Variants in PPARGC1A observed in about 807,000 individuals in gnomAD.
The protein encoded by PPARGC1A is PPARG coactivator 1 alpha.
Under a neutral mutation model 88.7 loss-of-function variants are expected in PPARGC1A, and 25 were observed. The observed-to-expected ratio is 0.28, with a 90% CI of 0.21 to 0.39. The LOEUF (loss-of-function observed/expected upper bound fraction) is 0.39. Ranked by LOEUF, PPARGC1A falls within the 10% of genes least tolerant of loss-of-function variation. PPARGC1A has a pLI of 1.00. For synonymous variants in PPARGC1A, 363 were observed against 355.6 expected (o/e 1.02, Z -0.24); for missense variants, 880 against 968.7 (o/e 0.91, Z 1.22).
chr4:23,935,628 T>A, the PPARGC1A span, among the ~76,000 whole-genome samples: 1 of 152,198 alleles, frequency 6.6e-6, no homozygotes, highest in Non-Finnish European at 1.5e-5. Flanking sequence ...GGCATAAAAA[T>A]TATTTACCAG....
At chr4:23,822,298 C>T (rs1723145041) in intron 7 of PPARGC1A, among the ~76,000 whole-genome samples, 1 of 152,074 alleles carries the variant, frequency 6.6e-6, no homozygotes, top group South Asian at 2.1e-4. Context: ...CATTCCACCC[C>T]TACGCTTCAA....
chr4:23,961,146 T>TA, the PPARGC1A span, among the ~76,000 whole-genome samples: 1 of 152,144 alleles, frequency 6.6e-6, no homozygotes, highest in African/African-American at 2.4e-5. Flanking sequence ...AACACCGTCT[T>TA]ACTATTTTCA....
chr4:24,365,837 CA>C, the PPARGC1A span, among the ~76,000 whole-genome samples: 1 of 152,260 alleles, frequency 6.6e-6, no homozygotes, highest in South Asian at 2.1e-4. Context: ...GCCTCCTATG[CA>C]CATTCACGAC....
chr4:24,353,210 A>G, the PPARGC1A span, among the ~76,000 whole-genome samples: 1 of 149,506 alleles, frequency 6.7e-6, no homozygotes, highest in East Asian at 1.9e-4. Context: ...TTTTTTTCAA[A>G]TCCTCTTTCG....
chr4:24,366,122 T>A, the PPARGC1A span, among the ~76,000 whole-genome samples: 1 of 152,026 alleles, frequency 6.6e-6, no homozygotes, highest in Non-Finnish European at 1.5e-5. Flanking sequence ...CAGCCAAGAG[T>A]TGAAATGCAC....
At chr4:23,842,659 A>T (rs1249263353) in intron 2 of PPARGC1A, among the ~76,000 whole-genome samples, 2 of 152,112 alleles carry the variant, frequency 1.3e-5, no homozygotes, top group East Asian at 3.9e-4. Context: ...CCAGTAGCAC[A>T]CCTCCAGTTA....
the PPARGC1A span, among the ~76,000 whole-genome samples, chr4:24,402,020 C>T: frequency 1.3e-5 from 2 of 152,296 alleles, no homozygotes; most frequent in East Asian, 3.9e-4. Flanking sequence ...GCACCCACTC[C>T]GCGGCTGCTC....
the PPARGC1A span, among the ~76,000 whole-genome samples, chr4:24,442,587 G>C: frequency 1.3e-5 from 2 of 152,178 alleles, no homozygotes; most frequent in Non-Finnish European, 2.9e-5. Flanking sequence ...TAATCCATTT[G>C]TTGACAGCAG....
chr4:23,932,642 ATTT>A, the PPARGC1A span, among the ~76,000 whole-genome samples: 67 of 150,872 alleles, frequency 4.4e-4, 1 homozygote, highest in Middle Eastern at 0.021. Context: ...AGCTTAACGA[ATTT>A]TTTTTTTGAA....
At chr4:24,007,834 G>A in the PPARGC1A span, among the ~76,000 whole-genome samples, 42 of 152,234 alleles carry the variant, frequency 2.8e-4, no homozygotes, top group Non-Finnish European at 4.7e-4. Context: ...GGAGGGTGCA[G>A]GTTAGGAGGC....
the PPARGC1A span, among the ~76,000 whole-genome samples, chr4:23,988,294 A>G: frequency 6.6e-6 from 1 of 152,194 alleles, no homozygotes; most frequent in Non-Finnish European, 1.5e-5. Context: ...TCCTTTGGGT[A>G]TATGCCCAGT....
chr4:24,187,709 T>C, the PPARGC1A span, among the ~76,000 whole-genome samples: 1 of 152,242 alleles, frequency 6.6e-6, no homozygotes, highest in African/African-American at 2.4e-5. Flanking sequence ...TATTAAAATA[T>C]AGGCACTTTG....
the PPARGC1A span, among the ~76,000 whole-genome samples, chr4:24,220,587 C>T: frequency 6.6e-6 from 1 of 152,234 alleles, no homozygotes; most frequent in South Asian, 2.1e-4. Flanking sequence ...ATGGATATAG[C>T]TGGGGGCCAT....
chr4:24,214,063 T>C, the PPARGC1A span, among the ~76,000 whole-genome samples: 2 of 152,156 alleles, frequency 1.3e-5, no homozygotes, highest in Non-Finnish European at 2.9e-5. Flanking sequence ...CAGAATGGAA[T>C]GTGAGGCAAA....
At chr4:24,386,406 A>G in the PPARGC1A span, among the ~76,000 whole-genome samples, 3 of 152,218 alleles carry the variant, frequency 2.0e-5, no homozygotes, top group African/African-American at 7.2e-5. Flanking sequence ...ATAAGGCAAG[A>G]GAAAGAAATA....
the PPARGC1A span, among the ~76,000 whole-genome samples, chr4:23,912,203 T>G: frequency 9.2e-5 from 14 of 152,096 alleles, no homozygotes; most frequent in Non-Finnish European, 1.6e-4. Context: ...AGGTTCTAGA[T>G]TGGGCTTTCT....
At chr4:24,139,980 C>T in the PPARGC1A span, among the ~76,000 whole-genome samples, 1 of 152,176 alleles carries the variant, frequency 6.6e-6, no homozygotes, top group African/African-American at 2.4e-5. Context: ...CAAATGAAAA[C>T]AGGTTTGCTC....
At chr4:24,450,892 A>G in the PPARGC1A span, among the ~76,000 whole-genome samples, 3 of 152,186 alleles carry the variant, frequency 2.0e-5, no homozygotes, top group Non-Finnish European at 4.4e-5. Flanking sequence ...CCCTCAAATG[A>G]CCACCCACAG....
the PPARGC1A span, among the ~76,000 whole-genome samples, chr4:24,109,706 G>A: frequency 6.6e-6 from 1 of 152,138 alleles, no homozygotes; most frequent in Admixed American, 6.5e-5. Context: ...TAGATCCTGA[G>A]TAGTAGAGTG....
Sources: allele counts gnomAD v4.1 joint callset (sites outside exome capture counted in the v4.1 genomes callset), GRCh38; gene constraint gnomAD v4.1.1; transcripts MANE v1.5; gene names NCBI Gene and HGNC (gene_info 2026-07-23, HGNC 2026-07-21).